EBF1: variants seen among roughly 807,000 people sequenced by gnomAD.
EBF1 encodes transcription factor COE1.
In EBF1, 10 loss-of-function variants were observed where a neutral mutation model predicts 68.4. The ratio of observed to expected loss-of-function variants is 0.15; its 90% confidence interval spans 0.09 to 0.25. The LOEUF (loss-of-function observed/expected upper bound fraction) is 0.25. Among genes scored for constraint, EBF1 ranks in the 10% least tolerant of loss-of-function variants. EBF1 has a pLI of 1.00. For missense variants in EBF1, 509 were observed against 794.4 expected (o/e 0.64, Z 4.32); for synonymous variants, 298 against 299.8 (o/e 0.99, Z 0.06).
intron 6 of EBF1, among the ~76,000 whole-genome samples, chr5:158,944,231 C>G (rs553110379): frequency 3.5e-4 from 53 of 152,270 alleles, no homozygotes; most frequent in African/African-American, 1.2e-3. Flanking sequence ...CCTCCACCCC[C>G]CTACAGGCCC....
At chr5:158,773,691 T>C (rs1774378006) in intron 10 of EBF1, among the ~76,000 whole-genome samples, 1 of 152,122 alleles carries the variant, frequency 6.6e-6, no homozygotes, top group Admixed American at 6.5e-5. Flanking sequence ...ATTGGCCGCT[T>C]CTTATCAGGA....
intron 10 of EBF1, among the ~76,000 whole-genome samples, chr5:158,757,640 G>A (rs1770422906): frequency 6.6e-6 from 1 of 152,194 alleles, no homozygotes; most frequent in African/African-American, 2.4e-5. Flanking sequence ...CAGTCTGCCA[G>A]TGTAAAAGTC....
At chr5:159,044,882 T>C (rs67393036) in intron 6 of EBF1, among the ~76,000 whole-genome samples, 36,942 of 152,066 alleles carry the variant, frequency 0.24, 4,711 homozygotes, top group East Asian at 0.43. Context: ...CACAAGGGAA[T>C]TTGTTAATTT....
chr5:159,076,157 T>A (rs1778743070), intron 5 of EBF1, among the ~76,000 whole-genome samples: 1 of 152,140 alleles, frequency 6.6e-6, no homozygotes. Context: ...ACTCATAGAC[T>A]TCGTAGAGGA....
intron 6 of EBF1, among the ~76,000 whole-genome samples, chr5:159,057,447 C>T (rs1361258147): frequency 3.9e-5 from 6 of 152,128 alleles, no homozygotes; most frequent in Admixed American, 1.3e-4. Flanking sequence ...ACTTGTGCTC[C>T]GTGCACAATG....
At chr5:158,711,861 G>T (rs75192846) in intron 14 of EBF1, among the ~76,000 whole-genome samples, 4,283 of 152,230 alleles carry the variant, frequency 0.028, 98 homozygotes, top group Non-Finnish European at 0.036. Context: ...GAGTCAACCC[G>T]TCTTCATCTA....
chr5:158,835,355 T>C (rs114535492), intron 7 of EBF1, among the ~76,000 whole-genome samples: 1,661 of 152,298 alleles, frequency 0.011, 35 homozygotes, highest in African/African-American at 0.037. Context: ...GAAGTTCAGG[T>C]TACCTGCTAA....
In EBF1 at chr5:159,099,528, A is replaced by T. The variant is rs747255125; in HGVS notation, c.-50T>A. On this transcript the variant is annotated 5_prime_UTR_variant, in exon 1 of 16. Transcript: ENST00000313708. ...ATCTCCTCCCCCTTGAAAAAAATTAAAAAAAAAAAAAAAGGAAAGAAAAGA... is the reference window on the plus strand; with the variant it reads ...ATCTCCTCCCCCTTGAAAAAAATTATAAAAAAAAAAAAAGGAAAGAAAAGA... The T allele has an allele frequency of 3.0e-3, 1,255 of 419,204 alleles. 1 individual carries two copies. Among genetic ancestry groups the T allele is most frequent in the Middle Eastern group, 0.022 (46 of 2,104 alleles). The allele number at this position is 419,204 out of a possible 1,614,324, so 26.0% of individuals were successfully genotyped here.
intron 6 of EBF1, among the ~76,000 whole-genome samples, chr5:158,885,538 G>C (rs1364134410): frequency 6.6e-6 from 1 of 152,150 alleles, no homozygotes; most frequent in African/African-American, 2.4e-5. Context: ...CATTGCAGGG[G>C]TATTACAAGG....
At chr5:158,721,870 C>G (rs1761996895) in intron 11 of EBF1, among the ~76,000 whole-genome samples, 1 of 151,626 alleles carries the variant, frequency 6.6e-6, no homozygotes. Context: ...CCAGGTATTT[C>G]TGAGAAGAGT....
chr5:158,803,052 T>A (rs1049937496), intron 8 of EBF1, among the ~76,000 whole-genome samples: 2 of 152,096 alleles, frequency 1.3e-5, no homozygotes, highest in Non-Finnish European at 2.9e-5. Flanking sequence ...TTTTTAAGGA[T>A]CTCATTTGCC....
intron 6 of EBF1, among the ~76,000 whole-genome samples, chr5:158,861,219 G>C (rs1794907045): frequency 6.6e-6 from 1 of 152,174 alleles, no homozygotes; most frequent in African/African-American, 2.4e-5. Flanking sequence ...AAAGGAACTG[G>C]AAGGTGAAGA....
chr5:158,811,314 A>G (rs950640141), intron 8 of EBF1, among the ~76,000 whole-genome samples: 3 of 152,164 alleles, frequency 2.0e-5, no homozygotes, highest in African/African-American at 4.8e-5. Context: ...ATTTGTTTCA[A>G]TTGAAGCAAG....
chr5:158,960,470 C>T (rs1215932948), intron 6 of EBF1, among the ~76,000 whole-genome samples: 1 of 151,956 alleles, frequency 6.6e-6, no homozygotes, highest in Non-Finnish European at 1.5e-5. Context: ...AAGAAAGACT[C>T]TAAAACTGGA....
chr5:158,988,944 C>G (rs946265291), intron 6 of EBF1, among the ~76,000 whole-genome samples: 1 of 152,198 alleles, frequency 6.6e-6, no homozygotes, highest in African/African-American at 2.4e-5. Context: ...GAATTAGTTC[C>G]TGCATAATTC....
intron 9 of EBF1, among the ~76,000 whole-genome samples, chr5:158,790,964 T>C (rs1778472456): frequency 1.3e-5 from 2 of 152,278 alleles, no homozygotes; most frequent in African/African-American, 4.8e-5. Flanking sequence ...AAAGGAGCAG[T>C]TTCCACCTGC....
intron 11 of EBF1, among the ~76,000 whole-genome samples, chr5:158,715,652 A>G (rs1581253174): frequency 6.6e-6 from 1 of 152,220 alleles, no homozygotes. Context: ...ATTTGAACCA[A>G]TACATCTGAA....
chr5:158,733,660 G>T (rs1764578591), intron 10 of EBF1, among the ~76,000 whole-genome samples: 4 of 152,142 alleles, frequency 2.6e-5, no homozygotes, highest in Admixed American at 2.6e-4. Context: ...TATGAGAGAG[G>T]AAATATTTAA....
intron 6 of EBF1, among the ~76,000 whole-genome samples, chr5:158,939,219 C>G (rs1413607388): frequency 6.6e-6 from 1 of 152,140 alleles, no homozygotes; most frequent in Non-Finnish European, 1.5e-5. Context: ...CTGAAAAACA[C>G]AAAGATAAAC....
Sources: allele counts gnomAD v4.1 joint callset (sites outside exome capture counted in the v4.1 genomes callset), GRCh38; gene constraint gnomAD v4.1.1; transcripts MANE v1.5; gene names NCBI Gene and HGNC (gene_info 2026-07-23, HGNC 2026-07-21).